NWD2: variants seen among roughly 807,000 people sequenced by gnomAD.
The protein encoded by NWD2 is NACHT and WD repeat domain containing 2, also known as NACHT and WD repeat domain-containing protein 2.
A neutral mutation model predicts 132.7 loss-of-function variants in NWD2; 37 were observed. The ratio of observed to expected loss-of-function variants is 0.28; its 90% CI spans 0.21 to 0.37. The LOEUF is 0.37. Ranked by LOEUF, NWD2 falls within the 10% of genes least tolerant of loss-of-function variation. NWD2 has a pLI of 1.00. For missense variants in NWD2, 1,592 were observed against 2,122.4 expected (o/e 0.75, Z 4.91); for synonymous variants, 705 against 803.0 (o/e 0.88, Z 2.06).
At chr4:37,359,870 A>G (rs1719944840) in intron 3 of NWD2, among the ~76,000 whole-genome samples, 1 of 152,196 alleles carries the variant, frequency 6.6e-6, no homozygotes, top group Admixed American at 6.5e-5. Context: ...GTTTTTGTCC[A>G]TGAAGAGATG....
intron 1 of NWD2, among the ~76,000 whole-genome samples, chr4:37,276,400 T>C (rs1259305246): frequency 1.3e-5 from 2 of 152,160 alleles, no homozygotes; most frequent in African/African-American, 4.8e-5. Context: ...AGATAACCTC[T>C]CACACCAGTT....
intron 3 of NWD2, among the ~76,000 whole-genome samples, chr4:37,389,371 A>G (rs1044748012): frequency 9.2e-5 from 14 of 152,222 alleles, no homozygotes; most frequent in African/African-American, 3.1e-4. Flanking sequence ...GTGTATTAAT[A>G]TTTTTAAAAA....
intron 3 of NWD2, among the ~76,000 whole-genome samples, chr4:37,405,494 A>T (rs549522953): frequency 1.4e-5 from 2 of 144,360 alleles, no homozygotes; most frequent in African/African-American, 5.2e-5. Flanking sequence ...TAGAATAGAA[A>T]ACATCAGGGC....
intron 3 of NWD2, among the ~76,000 whole-genome samples, chr4:37,357,921 G>A (rs1719902989): frequency 1.3e-5 from 2 of 152,104 alleles, no homozygotes; most frequent in South Asian, 2.1e-4. Context: ...TCCAAGTCAG[G>A]TATTCCAGGA....
At chr4:37,284,606 C>T (rs1718190444) in intron 1 of NWD2, among the ~76,000 whole-genome samples, 1 of 152,160 alleles carries the variant, frequency 6.6e-6, no homozygotes, top group African/African-American at 2.4e-5. Context: ...TTCTATGGCC[C>T]ATTTGCAGGA....
chr4:37,438,170 A>G (rs1279466717), intron 5 of NWD2, among the ~76,000 whole-genome samples: 4 of 151,924 alleles, frequency 2.6e-5, no homozygotes, highest in Non-Finnish European at 5.9e-5. Context: ...CTGAGGCAGG[A>G]GAATGGTGTG....
chr4:37,414,385 C>T (rs969289088), intron 3 of NWD2, among the ~76,000 whole-genome samples: 3 of 151,712 alleles, frequency 2.0e-5, no homozygotes, highest in Non-Finnish European at 2.9e-5. Context: ...CTACTGCCTA[C>T]ACTAGACTTC....
intron 5 of NWD2, among the ~76,000 whole-genome samples, chr4:37,436,660 T>G (rs764690327): frequency 6.6e-6 from 1 of 152,210 alleles, no homozygotes; most frequent in Non-Finnish European, 1.5e-5. Flanking sequence ...ATATAGATAC[T>G]ACAGTTTGAC....
intron 1 of NWD2, among the ~76,000 whole-genome samples, chr4:37,275,697 C>A (rs1717996460): frequency 6.6e-6 from 1 of 152,014 alleles, no homozygotes; most frequent in Non-Finnish European, 1.5e-5. Context: ...CTACAGTAAC[C>A]AAAACAGCAT....
intron 2 of NWD2, among the ~76,000 whole-genome samples, chr4:37,353,352 G>T (rs1010097087): frequency 6.6e-6 from 1 of 152,086 alleles, no homozygotes; most frequent in African/African-American, 2.4e-5. Flanking sequence ...GAGTATCTGT[G>T]TGGTGTTCTC....
chr4:37,302,441 T>G (rs1351638381), intron 1 of NWD2, among the ~76,000 whole-genome samples: 8 of 152,218 alleles, frequency 5.3e-5, no homozygotes, highest in African/African-American at 1.9e-4. Context: ...GATACCTCTC[T>G]GATATTCTGA....
chr4:37,294,213 T>C (rs1434861618), intron 1 of NWD2, among the ~76,000 whole-genome samples: 1 of 152,198 alleles, frequency 6.6e-6, no homozygotes, highest in Non-Finnish European at 1.5e-5. Flanking sequence ...CCCTACACCA[T>C]TGAAACAGTA....
In NWD2 at chr4:37,447,292, C is replaced by T. The variant is rs1712665405; in HGVS notation, c.*75C>T. 8.9e-7 allele frequency: 1 copy of T among 1,118,724 alleles called. No individual in the cohort carries two copies. The highest frequency in any genetic ancestry group is 1.3e-6 in the Non-Finnish European group (1 of 792,756). 69.3% of individuals were successfully genotyped at this position (1,118,724 alleles called of 1,614,324 possible). On this transcript the variant is annotated 3_prime_UTR_variant, in exon 7 of 7. Coordinates refer to ENST00000309447, the MANE Select transcript of NWD2 (RefSeq NM_001144990.2). ...AAAAAAATGTGCCCCAAATGATAAACTATTCATTTATTAAAAGGCAGGAGC... is the reference window on the plus strand; with the variant it reads ...AAAAAAATGTGCCCCAAATGATAAATTATTCATTTATTAAAAGGCAGGAGC...
chr4:37,251,043 G>C (rs968782392), intron 1 of NWD2, among the ~76,000 whole-genome samples: 1 of 152,232 alleles, frequency 6.6e-6, no homozygotes, highest in African/African-American at 2.4e-5. Flanking sequence ...GGGATACCAA[G>C]GTGAGTGGGC....
intron 3 of NWD2, among the ~76,000 whole-genome samples, chr4:37,409,012 A>G (rs531119188): frequency 2.8e-4 from 43 of 152,168 alleles, no homozygotes; most frequent in Non-Finnish European, 5.4e-4. Flanking sequence ...GGTCACCAAC[A>G]TCAAAGACCA....
At chr4:37,255,794 G>A (rs1044389218) in intron 1 of NWD2, among the ~76,000 whole-genome samples, 8 of 152,118 alleles carry the variant, frequency 5.3e-5, no homozygotes, top group African/African-American at 1.7e-4. Context: ...ATGACCCTGA[G>A]TCCCAGAGGG....
At chr4:37,268,956 C>A (rs557287781) in intron 1 of NWD2, among the ~76,000 whole-genome samples, 3 of 151,978 alleles carry the variant, frequency 2.0e-5, no homozygotes, top group East Asian at 3.9e-4. Context: ...AATTCCCAGG[C>A]TTTATTTCCA....
At chr4:37,300,565 T>G (rs941228301) in intron 1 of NWD2, among the ~76,000 whole-genome samples, 10 of 152,146 alleles carry the variant, frequency 6.6e-5, no homozygotes, top group Non-Finnish European at 1.5e-4. Flanking sequence ...TCACCAATTT[T>G]GCAGTAACTT....
At position 37,318,885 on chromosome 4, in the gene NWD2, G is replaced by A. The variant is rs549761893; in HGVS notation, c.152-7051G>A. ...TTCTCTATCCAACCCACCATTGATGGGCACCTAGGCTGATTCCATGTCTTT... is the reference window on the plus strand; with the variant it reads ...TTCTCTATCCAACCCACCATTGATGAGCACCTAGGCTGATTCCATGTCTTT... On this transcript the variant is annotated intron_variant, in intron 1 of 6. Coordinates refer to ENST00000309447, the MANE Select transcript of NWD2 (RefSeq NM_001144990.2). Among the ~76,000 whole-genome samples the A allele has an allele frequency of 5.9e-5, 9 of 152,156 alleles. No individual in the cohort carries two copies. The East Asian group carries it at 1.5e-3, about 26-fold the overall frequency.
Sources: gnomAD v4.1 joint callset for allele counts (sites outside exome capture counted in the v4.1 genomes callset) on GRCh38, gnomAD v4.1.1 for gene constraint, MANE v1.5 for transcripts, NCBI Gene and HGNC (gene_info 2026-07-23, HGNC 2026-07-21) for gene names.